MAP3K13: variants seen among roughly 807,000 people sequenced by gnomAD.
MAP3K13 encodes the protein mitogen-activated protein kinase kinase kinase 13.
Under a neutral mutation model 104.0 loss-of-function variants are expected in MAP3K13, and 52 were observed. That is an observed-to-expected ratio of 0.50 (90% CI 0.40 to 0.63). The LOEUF (loss-of-function observed/expected upper bound fraction) is 0.63, where lower values mean the gene tolerates loss of function less well. Ranked by LOEUF, MAP3K13 falls within the 20% of genes least tolerant of loss-of-function variation. The probability of loss-of-function intolerance (pLI) is 0.00; values close to 1 mark genes in which losing one functional copy is unlikely to be tolerated. For missense variants in MAP3K13, 914 were observed against 1,218.5 expected, an observed-to-expected ratio of 0.75 and a Z score of 3.72; for synonymous variants, 394 against 442.2, an observed-to-expected ratio of 0.89 and a Z score of 1.37.
Position 185,417,570 on chromosome 3 carries a change from A to G in MAP3K13, c.-85-10927A>G, listed in dbSNP as rs1218152663. ...TCTTTTCAGGGGCTGGTTTCTTGGTAGCTGCTGCCTTTTTTCCCACCAGAG... is the reference window on the plus strand; with the variant it reads ...TCTTTTCAGGGGCTGGTTTCTTGGTGGCTGCTGCCTTTTTTCCCACCAGAG... On this transcript the variant is annotated intron_variant, in intron 1 of 13. Transcript: ENST00000265026. 4 of 1,610,222 alleles carry G rather than the reference A, an allele frequency of 2.5e-6. No homozygotes were observed. The East Asian group carries it at 8.9e-5, about 36-fold the overall frequency.
At chr3:185,352,977 A>G (rs1309297910) in intron 2 of MAP3K13, among the ~76,000 whole-genome samples, 1 of 152,240 alleles carries the variant, frequency 6.6e-6, no homozygotes, top group Non-Finnish European at 1.5e-5. Flanking sequence ...AGATATTACT[A>G]TCCTATCTTG....
At position 185,324,231 on chromosome 3, in the gene MAP3K13, G is replaced by A. The variant is rs577534926; in HGVS notation, c.-86+38588G>A. On this transcript the variant is annotated intron_variant, in intron 2 of 14. Coordinates refer to the MAP3K13 transcript ENST00000424227. ...GACGGGGTTTTACCATGTTAGCCAGGATGGTCTCTATCTCCTGACCTCGTG... is the reference window on the plus strand; with the variant it reads ...GACGGGGTTTTACCATGTTAGCCAGAATGGTCTCTATCTCCTGACCTCGTG... Among the ~76,000 whole-genome samples the A allele has an allele frequency of 7.2e-5, 11 of 152,012 alleles. No homozygotes were observed. The South Asian group carries it at 2.3e-3, about 32-fold the overall frequency.
chr3:185,413,550 G>T (rs1471896539), intron 1 of MAP3K13, among the ~76,000 whole-genome samples: 1 of 152,156 alleles, frequency 6.6e-6, no homozygotes, highest in Non-Finnish European at 1.5e-5. Flanking sequence ...GGCTGGGCGC[G>T]GTGGTTCACA....
intron 2 of MAP3K13, among the ~76,000 whole-genome samples, chr3:185,348,578 A>G (rs944043596): frequency 3.9e-5 from 6 of 152,186 alleles, no homozygotes; most frequent in African/African-American, 1.4e-4. Context: ...TTTCCAAACT[A>G]TACTGACAGG....
chr3:185,455,007 A>C (rs1716347440), intron 7 of MAP3K13, among the ~76,000 whole-genome samples: 1 of 42,602 alleles, frequency 2.3e-5, no homozygotes, highest in Non-Finnish European at 6.0e-5. Context: ...GATATATATG[A>C]GATATATATG....
intron 12 of MAP3K13, among the ~76,000 whole-genome samples, 163 bp downstream of exon 12, chr3:185,477,559 T>C (rs536686523): frequency 4.1e-4 from 63 of 152,348 alleles, no homozygotes; most frequent in African/African-American, 1.5e-3. Context: ...ATTTTGGCAG[T>C]TGTTCGTGCA....
At chr3:185,479,773 G>A (rs1478269058) in intron 12 of MAP3K13, among the ~76,000 whole-genome samples, 3 of 152,182 alleles carry the variant, frequency 2.0e-5, no homozygotes, top group African/African-American at 7.2e-5. Flanking sequence ...CAAGATCAAG[G>A]TGTCAGCAGA....
chr3:185,428,387 C>T, intron 1 of MAP3K13, 110 bp from the exon 2 acceptor site: 1 of 613,028 alleles, frequency 1.6e-6, no homozygotes, highest in South Asian at 3.2e-5. Flanking sequence ...TGGACTAACC[C>T]ACAGGTTAAC....
chr3:185,466,974 T>C lies in MAP3K13; in HGVS notation c.1643+11T>C. Reference sequence around the variant, plus strand: ...GATGCAGACCAAACGGTGAGACACCTGTACAAACGCAGTATTCAGATAAAT... The same window carrying C: ...GATGCAGACCAAACGGTGAGACACCCGTACAAACGCAGTATTCAGATAAAT... On this transcript the variant is annotated intron_variant, in intron 10 of 13. Transcript: ENST00000265026. 1 of 1,613,926 alleles carries C rather than the reference T, an allele frequency of 6.2e-7. No individual in the cohort carries two copies. The highest frequency in any genetic ancestry group is 1.1e-5 in the South Asian group (1 of 91,062).
chr3:185,401,414 T>A (rs564976918), intron 1 of MAP3K13, among the ~76,000 whole-genome samples: 20 of 152,276 alleles, frequency 1.3e-4, no homozygotes, highest in Admixed American at 1.2e-3. Flanking sequence ...GTCCCCTCCC[T>A]GTCTGGGCTC....
At chr3:185,348,827 C>A (rs1382295462) in intron 2 of MAP3K13, among the ~76,000 whole-genome samples, 4 of 152,078 alleles carry the variant, frequency 2.6e-5, no homozygotes, top group Non-Finnish European at 5.9e-5. Context: ...TGAGGCAGGA[C>A]AATCGCTTGA....
At chr3:185,448,174 G>C in intron 5 of MAP3K13, 2 of 655,082 alleles carry the variant, frequency 3.1e-6, no homozygotes, top group Non-Finnish European at 2.8e-6. Context: ...ACCAGTTTGG[G>C]GGACCTCAGA....
chr3:185,306,116 C>CTTTT (rs887089134), intron 2 of MAP3K13, among the ~76,000 whole-genome samples: 1 of 152,112 alleles, frequency 6.6e-6, no homozygotes, highest in Non-Finnish European at 1.5e-5. Context: ...TGATTTCATC[C>CTTTT]TTTTTTTATG....
intron 2 of MAP3K13, among the ~76,000 whole-genome samples, chr3:185,297,767 A>G (rs1320968388): frequency 6.6e-6 from 1 of 151,308 alleles, no homozygotes; most frequent in Non-Finnish European, 1.5e-5. Context: ...AAAGAAAAAG[A>G]AACAGGTTCT....
intron 7 of MAP3K13, among the ~76,000 whole-genome samples, chr3:185,457,821 G>T (rs1448858414): frequency 2.6e-5 from 4 of 152,100 alleles, no homozygotes; most frequent in Admixed American, 2.0e-4. Flanking sequence ...CTGAAAGTGA[G>T]ACTACCTCTA....
chr3:185,456,727 G>A (rs927553798), intron 7 of MAP3K13, among the ~76,000 whole-genome samples: 8 of 147,434 alleles, frequency 5.4e-5, no homozygotes, highest in African/African-American at 1.2e-4. Context: ...TCAGCTTCCC[G>A]AGTAGCTGGG....
chr3:185,485,943 T>C lies in MAP3K13; in HGVS notation c.*3487T>C, dbSNP rs1718696648. On this transcript the variant is annotated 3_prime_UTR_variant, in exon 14 of 14. Transcript: ENST00000265026. ...AGAGGACCAACGACTGGAAAAAAAT[T>C]CTTGAAAGGCTATATTTTCCATCCT... 6.6e-6 allele frequency: 1 copy of C among 152,156 alleles called. No homozygotes were observed. Among genetic ancestry groups the C allele is most frequent in the South Asian group, 2.1e-4 (1 of 4,824 alleles). 9.4% of individuals were successfully genotyped at this position (152,156 alleles called of 1,614,324 possible).
intron 1 of MAP3K13, among the ~76,000 whole-genome samples, chr3:185,424,903 C>G (rs1202722515): frequency 1.3e-5 from 2 of 152,178 alleles, no homozygotes; most frequent in Non-Finnish European, 2.9e-5. Flanking sequence ...CAGCTCACTG[C>G]AGCCTCGATT....
At chr3:185,360,584 G>A (rs1723563107), upstream of MAP3K13, among the ~76,000 whole-genome samples, 1 of 152,130 alleles carries the variant, frequency 6.6e-6, no homozygotes, top group African/African-American at 2.4e-5. Context: ...GGTACAGGAA[G>A]CATGCTAACT....
Sources: allele counts gnomAD v4.1 joint callset (sites outside exome capture counted in the v4.1 genomes callset), GRCh38; gene constraint gnomAD v4.1.1; transcripts MANE v1.5; gene names NCBI Gene and HGNC (gene_info 2026-07-23, HGNC 2026-07-21).